DERL2: variants seen among roughly 807,000 people sequenced by gnomAD.
DERL2 encodes derlin 2, also known as derlin-2.
A neutral mutation model predicts 32.0 loss-of-function variants in DERL2; 13 were observed. The ratio of observed to expected loss-of-function variants is 0.41; its 90% CI spans 0.26 to 0.65. The LOEUF (loss-of-function observed/expected upper bound fraction) is 0.65, where lower values mean the gene tolerates loss of function less well. Among genes scored for constraint, DERL2 ranks in the 30% least tolerant of loss-of-function variants. The pLI is 0.35. For synonymous variants in DERL2, 111 were observed against 104.7 expected (o/e 1.06, Z -0.37); for missense variants, 208 against 296.3 (o/e 0.70, Z 2.19).
chr17:5,486,466 T>G, upstream of DERL2: 5 of 251,854 alleles, frequency 2.0e-5, no homozygotes, highest in Non-Finnish European at 3.0e-5. Flanking sequence ...CACAGCTAAC[T>G]TTCCCGCCCG....
chr17:5,486,179 GCCCCA>G, upstream of DERL2: 1 of 1,540,444 alleles, frequency 6.5e-7, no homozygotes, highest in Non-Finnish European at 8.8e-7. Flanking sequence ...ACCGTCGCCT[GCCCCA>G]CCCCCCACCC....
rs1905266182 is a variant in DERL2 at position 5,474,489 on chromosome 17, A to C, written c.*195T>G. On this transcript the variant is annotated 3_prime_UTR_variant, in exon 7 of 7. Coordinates refer to ENST00000158771, the MANE Select transcript of DERL2 (RefSeq NM_016041.5). The surrounding 1 kb of genome is among the most constrained non-coding windows in gnomAD (Gnocchi z 4.3). ...TCTAAGAAATTACACTTTCAGTACC[A>C]GTGTAGTGAGGAACCACTGGCAAAC... 2.1e-6 allele frequency: 1 copy of C among 483,990 alleles called. No homozygotes were observed. The highest frequency in any genetic ancestry group is 3.6e-5 in the East Asian group (1 of 27,916). The allele number at this position is 483,990 out of a possible 1,614,324, so 30.0% of individuals were successfully genotyped here. A position where few individuals can be genotyped will look rare whatever the true frequency, so the allele number is the denominator to read the frequency against.
At chr17:5,483,882 G>A (rs1905969267) in intron 2 of DERL2, among the ~76,000 whole-genome samples, 1 of 152,148 alleles carries the variant, frequency 6.6e-6, no homozygotes, top group Non-Finnish European at 1.5e-5. Context: ...ACAGTGACAA[G>A]AGATGACAGG....
intron 2 of DERL2, among the ~76,000 whole-genome samples, chr17:5,483,325 A>G (rs1567613318): frequency 6.6e-6 from 1 of 151,106 alleles, no homozygotes; most frequent in East Asian, 1.9e-4. Context: ...AGAAAGGAAA[A>G]TTCTTTTTTT....
Position 5,472,345 on chromosome 17 carries a change from A to G in DERL2, c.*2339T>C, listed in dbSNP as rs2151697199. On this transcript the variant is annotated 3_prime_UTR_variant, in exon 7 of 7. Transcript: ENST00000158771. ...GTGTTCTGGAAGAACTAAGATTGAG[A>G]GGTAAATTGGGGAGAAAGTAAGGAC... The G allele has an allele frequency of 6.6e-6, 1 of 152,336 alleles. No individual in the cohort carries two copies. Among genetic ancestry groups the G allele is most frequent in the South Asian group, 2.1e-4 (1 of 4,832 alleles). The allele number at this position is 152,336 out of a possible 1,614,324, so 9.4% of individuals were successfully genotyped here.
Position 5,481,480 on chromosome 17 carries a change from T to C in DERL2, c.234-91A>G, listed in dbSNP as rs1905779501. On this transcript the variant is annotated intron_variant, in intron 3 of 6. Coordinates refer to ENST00000158771, the MANE Select transcript of DERL2 (RefSeq NM_016041.5). The surrounding 1 kb of genome is among the most constrained non-coding windows in gnomAD (Gnocchi z 4.4). ...CTTGTAAGTACACTTGGATTCCATA[T>C]TATTTGTAATTAGTCAAGTCTTCAT... is the stretch of plus-strand genomic sequence containing the variant. The C allele has an allele frequency of 1.2e-6, 1 of 838,986 alleles. No homozygotes were observed. Among genetic ancestry groups the C allele is most frequent in the Non-Finnish European group, 2.0e-6 (1 of 508,916 alleles). 52.0% of individuals were successfully genotyped at this position (838,986 alleles called of 1,614,324 possible).
intron 3 of DERL2, chr17:5,482,318 A>G (rs944629136): frequency 1.2e-5 from 2 of 164,956 alleles, no homozygotes; most frequent in African/African-American, 4.8e-5. Context: ...ATTGGATCAG[A>G]GCTGGGGTTT....
rs1905194950 is a variant in DERL2 at position 5,473,110 on chromosome 17, T to A, written c.*1574A>T. On this transcript the variant is annotated 3_prime_UTR_variant, in exon 7 of 7. Coordinates refer to ENST00000158771, the MANE Select transcript of DERL2 (RefSeq NM_016041.5). Reference sequence around the variant, plus strand: ...AGGATGTCCATTATGTTTAAGCCTATGTCTATCTTTCTGAGGACAATGTCA... The same window carrying A: ...AGGATGTCCATTATGTTTAAGCCTAAGTCTATCTTTCTGAGGACAATGTCA... The A allele has an allele frequency of 6.6e-6, 1 of 152,254 alleles. No homozygotes were observed. The highest frequency in any genetic ancestry group is 1.5e-5 in the Non-Finnish European group (1 of 68,044). 9.4% of individuals were successfully genotyped at this position (152,254 alleles called of 1,614,324 possible).
chr17:5,481,480 T>G lies in DERL2; in HGVS notation c.234-91A>C. The G allele has an allele frequency of 1.2e-6, 1 of 839,104 alleles. No individual in the cohort carries two copies. The highest frequency in any genetic ancestry group is 2.0e-6 in the Non-Finnish European group (1 of 508,908). The allele number at this position is 839,104 out of a possible 1,614,324, so 52.0% of individuals were successfully genotyped here. On this transcript the variant is annotated intron_variant, in intron 3 of 6. Transcript: ENST00000158771. The surrounding 1 kb of genome is among the most constrained non-coding windows in gnomAD (Gnocchi z 4.4). ...CTTGTAAGTACACTTGGATTCCATA[T>G]TATTTGTAATTAGTCAAGTCTTCAT...
rs1345538763 is a variant in DERL2 at position 5,482,817 on chromosome 17, C to A, written c.225G>T (p.Met75Ile). 1 of 1,494,340 alleles carries A rather than the reference C, an allele frequency of 6.7e-7. No homozygotes were observed. The highest frequency in any genetic ancestry group is 1.2e-5 in the South Asian group (1 of 82,558). 92.6% of individuals were successfully genotyped at this position (1,494,340 alleles called of 1,614,324 possible). A position where few individuals can be genotyped will look rare whatever the true frequency, so the allele number is the denominator to read the frequency against. ...CATTTAATAAAGGATACAGAAAAAT[C>A]ATGTTAAATAAAAAATTGAATCCAA... is the stretch of plus-strand genomic sequence containing the variant. ...GPVGFNFLFN[M>I]IFLYRYCRML... Residue 75 changes from methionine (M) to isoleucine (I), a missense_variant, in exon 3 of 7, where the codon ATG (methionine) becomes ATT (isoleucine). Transcript: ENST00000158771.
At chr17:5,479,312 CT>C (rs1279631052) in intron 6 of DERL2, among the ~76,000 whole-genome samples, 4 of 152,064 alleles carry the variant, frequency 2.6e-5, no homozygotes, top group Admixed American at 2.6e-4. Context: ...GACAATTTCA[CT>C]TTCTTCTTTT....
intron 2 of DERL2, among the ~76,000 whole-genome samples, chr17:5,483,723 G>A (rs1267665602): frequency 6.6e-6 from 1 of 152,192 alleles, no homozygotes; most frequent in Non-Finnish European, 1.5e-5. Flanking sequence ...GGACCCGCAG[G>A]AGTAGATGGA....
intron 2 of DERL2, among the ~76,000 whole-genome samples, chr17:5,484,620 T>C (rs919679971): frequency 6.6e-6 from 1 of 152,226 alleles, no homozygotes; most frequent in Non-Finnish European, 1.5e-5. Context: ...TAGCTTTAGA[T>C]GTTTGGAATT....
At chr17:5,479,198 C>A (rs929388998) in intron 6 of DERL2, among the ~76,000 whole-genome samples, 8 of 152,162 alleles carry the variant, frequency 5.3e-5, no homozygotes, top group African/African-American at 1.9e-4. Flanking sequence ...GTGTATGCAG[C>A]CTTGCCTGGC....
intron 2 of DERL2, 113 bp from the exon 3 acceptor site, chr17:5,482,995 G>A: frequency 1.7e-6 from 1 of 588,358 alleles, no homozygotes; most frequent in Non-Finnish European, 3.0e-6. Flanking sequence ...AGAAGCCTTG[G>A]ACAGAGTGAT....
Position 5,481,707 on chromosome 17 carries a change from T to C in DERL2, c.234-318A>G, listed in dbSNP as rs547396581. On this transcript the variant is annotated intron_variant, in intron 3 of 6. Transcript: ENST00000158771. The surrounding 1 kb of genome is among the most constrained non-coding windows in gnomAD (Gnocchi z 4.4). Reference sequence around the variant, plus strand: ...CTCTGTCACCTAGGATGGAGTGCAATGGTGCCATATCGGCTCACTGCAAGC... The same window carrying C: ...CTCTGTCACCTAGGATGGAGTGCAACGGTGCCATATCGGCTCACTGCAAGC... Among the ~76,000 whole-genome samples, 11 of 151,998 alleles carry C rather than the reference T, an allele frequency of 7.2e-5. 1 individual carries two copies. Among genetic ancestry groups the C allele is most frequent in the Admixed American group, 7.2e-4 (11 of 15,254 alleles).
intron 6 of DERL2, among the ~76,000 whole-genome samples, chr17:5,476,685 G>A (rs543477358): frequency 5.3e-5 from 8 of 152,326 alleles, no homozygotes; most frequent in Admixed American, 1.3e-4. Flanking sequence ...GGAGGCTGAC[G>A]CAGGAGAATC....
In DERL2 at chr17:5,481,277, G is replaced by A. The variant is rs753237811; in HGVS notation, c.327+19C>T. On this transcript the variant is annotated intron_variant, in intron 4 of 6. Coordinates refer to ENST00000158771, the MANE Select transcript of DERL2 (RefSeq NM_016041.5). This position sits in a 1 kb window ranked among gnomAD's most constrained non-coding sequence, Gnocchi z 4.4. ...AGGGTGTTCTTCAACATTTTCCCGT[G>A]TTGTTTGTTGAAGGATACGGTCATT... The A allele has an allele frequency of 6.4e-7, 1 of 1,574,750 alleles. No homozygotes were observed. The highest frequency in any genetic ancestry group is 1.1e-5 in the South Asian group (1 of 90,306).
At chr17:5,475,502 G>C (rs563076526) in intron 6 of DERL2, among the ~76,000 whole-genome samples, 5 of 152,178 alleles carry the variant, frequency 3.3e-5, no homozygotes, top group African/African-American at 1.2e-4. Flanking sequence ...CAGGTGATCT[G>C]CCTGCCTCGG....
Sources: gnomAD v4.1 joint callset for allele counts (sites outside exome capture counted in the v4.1 genomes callset) on GRCh38, gnomAD v4.1.1 for gene constraint, Gnocchi (gnomAD v3.1) non-coding constraint, MANE v1.5 for transcripts, NCBI Gene and HGNC (gene_info 2026-07-23, HGNC 2026-07-21) for gene names.